VWA8: variants seen among roughly 807,000 people sequenced by gnomAD.
VWA8 encodes the protein von Willebrand factor A domain containing 8.
VWA8 carries 221 observed loss-of-function variants against 241.5 expected under a neutral mutation model. That is an observed-to-expected ratio of 0.91 (90% confidence interval 0.82 to 1.02). The LOEUF is 1.02. Ranked by LOEUF, VWA8 falls within the 50% of genes least tolerant of loss-of-function variation. VWA8 has a pLI of 0.00. For synonymous variants in VWA8, 852 were observed against 827.1 expected (o/e 1.03, Z -0.52); for missense variants, 2,322 against 2,328.7 (o/e 1.00, Z 0.06).
chr13:41,790,815 T>C (rs1455037812), intron 17 of VWA8, among the ~76,000 whole-genome samples: 2 of 151,982 alleles, frequency 1.3e-5, no homozygotes, highest in East Asian at 3.8e-4. Flanking sequence ...CATCAAGCTC[T>C]GAATTGATGT....
rs182798325 is a variant in VWA8, at chr13:41,741,819, T to C, written c.2427-9664A>G. Among the ~76,000 whole-genome samples, 43 of 152,190 alleles carry C rather than the reference T, an allele frequency of 2.8e-4. 1 individual carries two copies. In the East Asian group the frequency reaches 7.5e-3, roughly 27 times the overall value. ...GAAGCTCACATGACACACAGGGAGA[T>C]AGATATAAGGCAATTAAATTAAATT... On this transcript the variant is annotated intron_variant, in intron 21 of 44. Transcript: ENST00000379310.
intron 37 of VWA8, among the ~76,000 whole-genome samples, chr13:41,628,886 C>A (rs763428852): frequency 6.6e-6 from 1 of 152,086 alleles, no homozygotes; most frequent in African/African-American, 2.4e-5. Context: ...ACTAAAAATA[C>A]AAAAATTAGC....
At position 41,844,052 on chromosome 13, in the gene VWA8, C is replaced by A. The variant is rs186104477; in HGVS notation, c.1426-10521G>T. On this transcript the variant is annotated intron_variant, in intron 12 of 44. Transcript: ENST00000379310. ...CATAACAAAGAAAGTTAAATATAGG[C>A]CAATACCCTTGAGGAACATGGACAC... 2.6e-5 allele frequency among the ~76,000 whole-genome samples: 4 copies of A among 152,200 alleles called. No homozygotes were observed. In the East Asian group the frequency reaches 7.7e-4, roughly 29 times the overall value.
At chr13:41,796,599 C>T (rs924036489) in intron 17 of VWA8, among the ~76,000 whole-genome samples, 1 of 151,592 alleles carries the variant, frequency 6.6e-6, no homozygotes, top group Non-Finnish European at 1.5e-5. Flanking sequence ...AAAGAACTAC[C>T]TTTTGGTTGG....
At chr13:41,655,835 T>A (rs777568846) in intron 37 of VWA8, among the ~76,000 whole-genome samples, 1 of 152,254 alleles carries the variant, frequency 6.6e-6, no homozygotes, top group African/African-American at 2.4e-5. Context: ...TATCTATCTA[T>A]CTAAATATTT....
At chr13:41,744,158 G>A (rs2045587478) in intron 21 of VWA8, among the ~76,000 whole-genome samples, 1 of 152,216 alleles carries the variant, frequency 6.6e-6, no homozygotes, top group African/African-American at 2.4e-5. Context: ...TCCCTGTGAA[G>A]AGGCTGAGGC....
rs1442156360 is a variant in VWA8 at position 41,868,337 on chromosome 13, AT to A, written c.1212+8del. On this transcript the variant is annotated splice_region_variant and intron_variant, in intron 10 of 44. Transcript: ENST00000379310. Reference sequence around the variant, plus strand: ...ATATCATAGAAAGAATAAACCTGTGATTAATTACCTTAATGGTCACCTCTTT... The same window carrying A: ...ATATCATAGAAAGAATAAACCTGTGATAATTACCTTAATGGTCACCTCTTT... 6.2e-7 allele frequency: 1 copy of A among 1,613,454 alleles called. No homozygotes were observed. The highest frequency in any genetic ancestry group is 8.5e-7 in the Non-Finnish European group (1 of 1,179,856).
chr13:41,841,593 T>C (rs1003608187), intron 12 of VWA8, among the ~76,000 whole-genome samples: 1 of 150,496 alleles, frequency 6.6e-6, no homozygotes, highest in African/African-American at 2.4e-5. Flanking sequence ...GAGACCATCC[T>C]GGCTAACACG....
chr13:41,680,501 T>C (rs1015948890), intron 35 of VWA8, among the ~76,000 whole-genome samples: 1 of 152,180 alleles, frequency 6.6e-6, no homozygotes, highest in Non-Finnish European at 1.5e-5. Flanking sequence ...AATATTTTAG[T>C]AACACTACTT....
At chr13:41,630,608 C>A (rs995895427) in intron 37 of VWA8, among the ~76,000 whole-genome samples, 3 of 151,868 alleles carry the variant, frequency 2.0e-5, no homozygotes, top group Non-Finnish European at 2.9e-5. Flanking sequence ...TCTGAGTTTA[C>A]AAAATCTCTG....
At chr13:41,893,806 C>T (rs1874969312) in intron 4 of VWA8, among the ~76,000 whole-genome samples, 1 of 152,128 alleles carries the variant, frequency 6.6e-6, no homozygotes, top group African/African-American at 2.4e-5. Flanking sequence ...ATGACTTGAA[C>T]CCAGGAGGCA....
At chr13:41,875,490 T>A (rs546968779) in intron 9 of VWA8, among the ~76,000 whole-genome samples, 7 of 152,082 alleles carry the variant, frequency 4.6e-5, no homozygotes, top group African/African-American at 1.7e-4. Flanking sequence ...ACTTCATTGA[T>A]ACATATGAAT....
chr13:41,795,639 T>C (rs1869659122), intron 17 of VWA8, among the ~76,000 whole-genome samples: 1 of 152,188 alleles, frequency 6.6e-6, no homozygotes, highest in South Asian at 2.1e-4. Context: ...ATAATGTCCT[T>C]TGCAGGGACA....
intron 26 of VWA8, among the ~76,000 whole-genome samples, chr13:41,704,867 A>G (rs540056838): frequency 6.6e-6 from 1 of 152,208 alleles, no homozygotes; most frequent in Admixed American, 6.5e-5. Context: ...AAAGCTCTTT[A>G]AAAATAATAT....
At chr13:41,653,337 T>A (rs1303690763) in intron 37 of VWA8, among the ~76,000 whole-genome samples, 2 of 152,152 alleles carry the variant, frequency 1.3e-5, no homozygotes. Context: ...TACCTAAGAA[T>A]ACAGCTAATC....
chr13:41,584,345 A>G (rs1370001243), intron 42 of VWA8, among the ~76,000 whole-genome samples: 1 of 152,082 alleles, frequency 6.6e-6, no homozygotes, highest in African/African-American at 2.4e-5. Flanking sequence ...CTGTCTGTGG[A>G]ATGAGGATGG....
At chr13:41,769,232 G>A (rs2045801410) in intron 20 of VWA8, among the ~76,000 whole-genome samples, 1 of 152,154 alleles carries the variant, frequency 6.6e-6, no homozygotes, top group South Asian at 2.1e-4. Context: ...AGATAACTGG[G>A]GAAAGCTGAA....
In VWA8 at chr13:41,881,849, C is replaced by CG. The variant is rs1166813550; in HGVS notation, c.1080+1537dup. Among the ~76,000 whole-genome samples, 24 of 128,414 alleles carry CG rather than the reference C, an allele frequency of 1.9e-4. 1 individual carries two copies. The East Asian group carries it at 5.0e-3, about 27-fold the overall frequency. 84.2% of individuals were successfully genotyped at this position (128,414 alleles called of 152,430 possible). A position where few individuals can be genotyped will look rare whatever the true frequency, so the allele number is the denominator to read the frequency against. ...CTCCCGGACGGGGCGGCTGGCCGGG[C>CG]GGGGGGCTGACCCCCCCACCTCCCT... On this transcript the variant is annotated intron_variant, in intron 9 of 44. Coordinates refer to ENST00000379310, the MANE Select transcript of VWA8 (RefSeq NM_015058.2).
chr13:41,590,109 G>A (rs1004829669), intron 41 of VWA8, among the ~76,000 whole-genome samples: 20 of 152,132 alleles, frequency 1.3e-4, no homozygotes, highest in African/African-American at 4.3e-4. Flanking sequence ...GGCTCCCAGT[G>A]GGTTCTGCTC....
Sources: gnomAD v4.1 joint callset for allele counts (sites outside exome capture counted in the v4.1 genomes callset) on GRCh38, gnomAD v4.1.1 for gene constraint, MANE v1.5 for transcripts, NCBI Gene and HGNC (gene_info 2026-07-23, HGNC 2026-07-21) for gene names.